Variants in PXDNL observed in about 807,000 individuals in gnomAD.
PXDNL encodes peroxidasin like.
A neutral mutation model predicts 150.8 loss-of-function variants in PXDNL; 145 were observed. The ratio of observed to expected loss-of-function variants is 0.96; its 90% confidence interval spans 0.84 to 1.10. The LOEUF (loss-of-function observed/expected upper bound fraction) is 1.10. Among genes scored for constraint, PXDNL ranks in the 50% least tolerant of loss-of-function variants. The pLI is 0.00. For synonymous variants in PXDNL, 757 were observed against 725.7 expected (o/e 1.04, Z -0.69); for missense variants, 2,087 against 1,873.9 (o/e 1.11, Z -2.10).
At chr8:51,392,434 C>T (rs567137482) in intron 17 of PXDNL, among the ~76,000 whole-genome samples, 2 of 152,112 alleles carry the variant, frequency 1.3e-5, no homozygotes, top group Non-Finnish European at 2.9e-5. Context: ...GTTTATAGTT[C>T]TCCTTGAAGA....
At chr8:51,766,946 T>A (rs568459062) in intron 1 of PXDNL, among the ~76,000 whole-genome samples, 1 of 152,262 alleles carries the variant, frequency 6.6e-6, no homozygotes, top group Non-Finnish European at 1.5e-5. Flanking sequence ...TGATCATGTG[T>A]ATGTTGGTGC....
At chr8:51,729,736 G>A (rs145385004) in intron 1 of PXDNL, among the ~76,000 whole-genome samples, 5 of 152,300 alleles carry the variant, frequency 3.3e-5, no homozygotes, top group African/African-American at 1.2e-4. Context: ...AGACTTGGGA[G>A]CAAATAAGAT....
chr8:51,582,941 T>C (rs1813240797), intron 3 of PXDNL, among the ~76,000 whole-genome samples: 1 of 152,160 alleles, frequency 6.6e-6, no homozygotes, highest in Admixed American at 6.5e-5. Context: ...CAGAATAGGA[T>C]AGTTACATTG....
At chr8:51,609,785 T>C (rs1157987260) in intron 2 of PXDNL, among the ~76,000 whole-genome samples, 1 of 152,140 alleles carries the variant, frequency 6.6e-6, no homozygotes, top group Non-Finnish European at 1.5e-5. Flanking sequence ...GCCTTTTGTT[T>C]CCACTCGTTC....
At chr8:51,374,522 C>T in intron 18 of PXDNL, 75 bp downstream of exon 18, 1 of 1,427,444 alleles carries the variant, frequency 7.0e-7, no homozygotes, top group East Asian at 2.3e-5. Flanking sequence ...ATATGAATCA[C>T]AATGTTAAAC....
intron 4 of PXDNL, among the ~76,000 whole-genome samples, chr8:51,510,495 G>A (rs1260159917): frequency 6.6e-6 from 1 of 152,146 alleles, no homozygotes; most frequent in East Asian, 1.9e-4. Context: ...AGACACTGAG[G>A]TTGGCTCATA....
At chr8:51,716,693 G>A (rs1816622431) in intron 1 of PXDNL, among the ~76,000 whole-genome samples, 1 of 152,120 alleles carries the variant, frequency 6.6e-6, no homozygotes, top group Non-Finnish European at 1.5e-5. Context: ...ATAATAATAT[G>A]GAAAAGTAAA....
intron 1 of PXDNL, among the ~76,000 whole-genome samples, chr8:51,755,470 T>A (rs1361079630): frequency 1.3e-5 from 2 of 152,100 alleles, no homozygotes; most frequent in Admixed American, 1.3e-4. Context: ...AATTTTTGTA[T>A]TTTTAGTAGA....
At chr8:51,712,718 A>G (rs1359695194) in intron 1 of PXDNL, among the ~76,000 whole-genome samples, 2 of 152,250 alleles carry the variant, frequency 1.3e-5, no homozygotes, top group Non-Finnish European at 2.9e-5. Flanking sequence ...GGCACATTTT[A>G]CAGACAAATC....
At chr8:51,580,064 G>T (rs1202955330) in intron 3 of PXDNL, among the ~76,000 whole-genome samples, 1 of 151,478 alleles carries the variant, frequency 6.6e-6, no homozygotes, top group Non-Finnish European at 1.5e-5. Context: ...ATCACAAAAG[G>T]TTATATATTT....
chr8:51,536,997 G>A (rs1445976446), intron 4 of PXDNL, among the ~76,000 whole-genome samples: 1 of 152,220 alleles, frequency 6.6e-6, no homozygotes, highest in Admixed American at 6.5e-5. Flanking sequence ...CCAGATAAAG[G>A]CAGACTTTAG....
chr8:51,775,254 T>G (rs771221358), intron 1 of PXDNL, among the ~76,000 whole-genome samples: 1 of 152,120 alleles, frequency 6.6e-6, no homozygotes, highest in Admixed American at 6.6e-5. Flanking sequence ...CTAATGAAAT[T>G]TTGCATTCCC....
At chr8:51,483,137 TGATGGACATCA>T (rs1810641221) in intron 6 of PXDNL, among the ~76,000 whole-genome samples, 1 of 152,142 alleles carries the variant, frequency 6.6e-6, no homozygotes, top group Non-Finnish European at 1.5e-5. Flanking sequence ...TGGAAAAAAG[TGATGGACATCA>T]GCCCACGGAT....
Position 51,676,503 on chromosome 8 carries a change from G to T in PXDNL, c.165-21743C>A, listed in dbSNP as rs574909394. On this transcript the variant is annotated intron_variant, in intron 1 of 22. Transcript: ENST00000356297. Reference sequence around the variant, plus strand: ...TGTTGGCCAGGCTGGTCTCGAACTCGTGACCTCAAGTGATCTGCCCGCCCT... The same window carrying T: ...TGTTGGCCAGGCTGGTCTCGAACTCTTGACCTCAAGTGATCTGCCCGCCCT... 2.6e-5 allele frequency among the ~76,000 whole-genome samples: 4 copies of T among 151,834 alleles called. No homozygotes were observed. In the East Asian group the frequency reaches 7.8e-4, roughly 30 times the overall value.
At position 51,499,887 on chromosome 8, in the gene PXDNL, A is replaced by G. The variant is rs547644872; in HGVS notation, c.381-117T>C. The G allele has an allele frequency of 5.2e-5, 34 of 659,062 alleles. No individual in the cohort carries two copies. In the East Asian group the frequency reaches 7.9e-4, roughly 15 times the overall value. 40.8% of individuals were successfully genotyped at this position (659,062 alleles called of 1,614,324 possible). A position where few individuals can be genotyped will look rare whatever the true frequency, so the allele number is the denominator to read the frequency against. ...GAATTTCACTGGCCCCAACCACTAT[A>G]TATCACATACAAAAATCAGAAACTC... On this transcript the variant is annotated intron_variant, in intron 4 of 22. Coordinates refer to ENST00000356297, the MANE Select transcript of PXDNL (RefSeq NM_144651.5).
chr8:51,455,560 G>A (rs1809921391), intron 9 of PXDNL, among the ~76,000 whole-genome samples: 2 of 152,162 alleles, frequency 1.3e-5, no homozygotes, highest in South Asian at 4.2e-4. Context: ...TAGAGAAAGG[G>A]AGGGGAGGAC....
chr8:51,752,124 C>A (rs955060413), intron 1 of PXDNL, among the ~76,000 whole-genome samples: 4 of 152,200 alleles, frequency 2.6e-5, no homozygotes, highest in African/African-American at 9.6e-5. Flanking sequence ...TGATTAATTT[C>A]TTTTAATCTA....
intron 1 of PXDNL, among the ~76,000 whole-genome samples, chr8:51,769,160 T>G (rs2037263565): frequency 6.6e-6 from 1 of 152,242 alleles, no homozygotes; most frequent in Non-Finnish European, 1.5e-5. Context: ...ATTTTCTATT[T>G]GAGTCATATC....
Position 51,499,752 on chromosome 8 carries a change from T to G in PXDNL, c.399A>C (p.Gln133His), listed in dbSNP as rs369197424. 7.1e-5 allele frequency: 114 copies of G among 1,612,982 alleles called. No homozygotes were observed. The highest frequency in any genetic ancestry group is 9.6e-5 in the Non-Finnish European group (113 of 1,179,100). Residue 133 changes from glutamine (Q) to histidine (H), a missense_variant, in exon 5 of 23, where the codon CAA (glutamine) becomes CAC (histidine). Coordinates refer to ENST00000356297, the MANE Select transcript of PXDNL (RefSeq NM_144651.5). ...AGGTCTCTGGCTGTAGCATTTCTAG[T>G]TGGTTGAAATGAATATACCTGGAAG... The part of the protein sequence containing the change: ...SLEHLYIHFN[Q>H]LEMLQPETFG...
Sources: gnomAD v4.1 joint callset for allele counts (sites outside exome capture counted in the v4.1 genomes callset) on GRCh38, gnomAD v4.1.1 for gene constraint, MANE v1.5 for transcripts, NCBI Gene and HGNC (gene_info 2026-07-23, HGNC 2026-07-21) for gene names.